Variants in GPHN observed in about 807,000 individuals in gnomAD.
GPHN encodes the protein gephyrin.
Under a neutral mutation model 95.5 loss-of-function variants are expected in GPHN, and 17 were observed. The ratio of observed to expected loss-of-function variants is 0.18; its 90% confidence interval spans 0.12 to 0.27. The LOEUF (loss-of-function observed/expected upper bound fraction) is 0.27. GPHN is among the 10% of genes least tolerant of loss of function. GPHN has a pLI of 1.00. For synonymous variants in GPHN, 320 were observed against 322.5 expected (o/e 0.99, Z 0.08); for missense variants, 660 against 978.1 (o/e 0.67, Z 4.34).
chr14:67,041,220 T>A (rs1444313498), intron 10 of GPHN, among the ~76,000 whole-genome samples: 1 of 152,136 alleles, frequency 6.6e-6, no homozygotes, highest in Admixed American at 6.6e-5. Context: ...TTCTTTTTTT[T>A]TATTTTTTTT....
the GPHN span, among the ~76,000 whole-genome samples, chr14:67,497,585 T>C: frequency 4.5e-4 from 68 of 152,288 alleles, no homozygotes; most frequent in African/African-American, 1.4e-3. Flanking sequence ...AAAATGTCCA[T>C]TTATAATTAT....
the GPHN span, chr14:67,615,474 ATAAC>A: frequency 3.1e-6 from 1 of 327,022 alleles, no homozygotes; most frequent in South Asian, 3.3e-5. Flanking sequence ...CTGAGGAAAA[ATAAC>A]TAGACATAGG....
chr14:67,600,752 G>A, the GPHN span, among the ~76,000 whole-genome samples: 1 of 152,116 alleles, frequency 6.6e-6, no homozygotes, highest in Admixed American at 6.5e-5. Context: ...GCTGATTTTT[G>A]TATTTTTAGT....
At chr14:66,807,161 G>C (rs764648404) in intron 3 of GPHN, among the ~76,000 whole-genome samples, 8 of 152,174 alleles carry the variant, frequency 5.3e-5, no homozygotes, top group Admixed American at 1.3e-4. Flanking sequence ...TTTGTGCAGG[G>C]AAGATTCCCT....
the GPHN span, chr14:67,659,839 C>T: frequency 3.7e-6 from 6 of 1,614,160 alleles, no homozygotes; most frequent in Non-Finnish European, 5.1e-6. Flanking sequence ...TAGCAAGGTC[C>T]TTCCGGTAGT....
intron 3 of GPHN, among the ~76,000 whole-genome samples, chr14:66,814,032 G>A (rs780598839): frequency 2.0e-5 from 3 of 152,126 alleles, no homozygotes; most frequent in African/African-American, 7.2e-5. Context: ...TCACTTTGCT[G>A]ATGCATGTCT....
At chr14:67,366,500 ATTTG>A in the GPHN span, among the ~76,000 whole-genome samples, 1 of 152,246 alleles carries the variant, frequency 6.6e-6, no homozygotes, top group African/African-American at 2.4e-5. Context: ...TTTCCATAGC[ATTTG>A]TTTGTATGGC....
At chr14:66,746,622 C>T (rs1006180927) in intron 2 of GPHN, among the ~76,000 whole-genome samples, 4 of 150,194 alleles carry the variant, frequency 2.7e-5, no homozygotes, top group Non-Finnish European at 5.9e-5. Context: ...TAGTTGCTTT[C>T]CTGGTCTCCC....
chr14:66,728,696 C>G (rs1293506680), intron 2 of GPHN, among the ~76,000 whole-genome samples: 1 of 152,194 alleles, frequency 6.6e-6, no homozygotes, highest in Non-Finnish European at 1.5e-5. Flanking sequence ...CTCATTGTAT[C>G]TAGGAAGTAA....
the GPHN span, among the ~76,000 whole-genome samples, chr14:67,222,821 G>A: frequency 2.0e-5 from 3 of 151,710 alleles, no homozygotes; most frequent in African/African-American, 7.3e-5. Context: ...AGAACACTAT[G>A]GAAGGAACAT....
the GPHN span, among the ~76,000 whole-genome samples, chr14:67,433,073 G>A: frequency 6.6e-6 from 1 of 152,296 alleles, no homozygotes; most frequent in African/African-American, 2.4e-5. Context: ...TCAATAAATA[G>A]GGAGGGCACT....
At chr14:67,572,391 G>A in the GPHN span, 1 of 765,956 alleles carries the variant, frequency 1.3e-6, no homozygotes, top group East Asian at 3.3e-5. Flanking sequence ...CCCTAGAGCT[G>A]GGGGATGGGG....
intron 5 of GPHN, among the ~76,000 whole-genome samples, chr14:66,881,344 C>A (rs2063920701): frequency 6.6e-6 from 1 of 151,746 alleles, no homozygotes; most frequent in Non-Finnish European, 1.5e-5. Flanking sequence ...ATTACCTACA[C>A]CAATGAGGTC....
intron 10 of GPHN, among the ~76,000 whole-genome samples, chr14:67,050,610 T>C (rs1043796730): frequency 4.6e-5 from 7 of 152,106 alleles, no homozygotes; most frequent in Non-Finnish European, 1.0e-4. Flanking sequence ...ACTTTAGTGA[T>C]GGAAGAGATT....
chr14:66,536,279 G>A (rs375996130), intron 1 of GPHN, among the ~76,000 whole-genome samples: 180 of 152,208 alleles, frequency 1.2e-3, no homozygotes, highest in African/African-American at 4.0e-3. Flanking sequence ...TGAATAGGTG[G>A]TAAACTTTGT....
At chr14:67,108,016 A>T (rs2078145876) in intron 13 of GPHN, among the ~76,000 whole-genome samples, 1 of 152,208 alleles carries the variant, frequency 6.6e-6, no homozygotes, top group African/African-American at 2.4e-5. Context: ...TAACAGAGCA[A>T]TATGTCTGGA....
At chr14:67,478,161 T>C in the GPHN span, among the ~76,000 whole-genome samples, 1 of 152,206 alleles carries the variant, frequency 6.6e-6, no homozygotes, top group Non-Finnish European at 1.5e-5. Flanking sequence ...ACTCCACCTG[T>C]CTCTCATCCT....
chr14:66,544,506 A>G (rs2059460905), intron 1 of GPHN, among the ~76,000 whole-genome samples: 1 of 152,106 alleles, frequency 6.6e-6, no homozygotes, highest in Admixed American at 6.5e-5. Flanking sequence ...TACCTAGAAT[A>G]GTGCCTTGCA....
At chr14:67,651,453 T>C in the GPHN span, 5 of 1,613,938 alleles carry the variant, frequency 3.1e-6, no homozygotes, top group South Asian at 2.2e-5. Flanking sequence ...AAGATGATAA[T>C]GGAAAGCAGC....
Sources: allele counts gnomAD v4.1 joint callset (sites outside exome capture counted in the v4.1 genomes callset), GRCh38; gene constraint gnomAD v4.1.1; transcripts MANE v1.5; gene names NCBI Gene and HGNC (gene_info 2026-07-23, HGNC 2026-07-21).